Variants in BICD2 observed in about 807,000 individuals in gnomAD.
The protein encoded by BICD2 is BICD cargo adaptor 2.
A neutral mutation model predicts 72.9 loss-of-function variants in BICD2; 25 were observed. That is an observed-to-expected ratio of 0.34 (90% CI 0.25 to 0.48). The LOEUF is 0.48. Ranked by LOEUF, BICD2 falls within the 20% of genes least tolerant of loss-of-function variation. The pLI, the probability that BICD2 is intolerant of heterozygous loss-of-function variation, is 0.99. For synonymous variants in BICD2, 501 were observed against 516.1 expected (o/e 0.97, Z 0.40); for missense variants, 894 against 1,175.2 (o/e 0.76, Z 3.50).
Position 92,714,734 on chromosome 9 carries a change from T to C in BICD2, c.*420A>G. 1.0e-6 allele frequency: 1 copy of C among 1,000,446 alleles called. No homozygotes were observed. The highest frequency in any genetic ancestry group is 1.2e-6 in the Non-Finnish European group (1 of 840,516). 62.0% of individuals were successfully genotyped at this position (1,000,446 alleles called of 1,614,324 possible). A position where few individuals can be genotyped will look rare whatever the true frequency, so the allele number is the denominator to read the frequency against. ...GCTGGAACCTCCTAAAACTGCTTTC[T>C]AGTGCTGACATTAGACACATGCGAG... On this transcript the variant is annotated 3_prime_UTR_variant, in exon 7 of 7. Coordinates refer to ENST00000356884, the MANE Select transcript of BICD2 (RefSeq NM_001003800.2).
chr9:92,722,256 G>A (rs960139519), intron 3 of BICD2, among the ~76,000 whole-genome samples: 5 of 152,078 alleles, frequency 3.3e-5, no homozygotes, highest in African/African-American at 9.7e-5. Flanking sequence ...GTTCATCCCC[G>A]TCACAGACAG....
chr9:92,742,168 C>T (rs1323291349), intron 1 of BICD2, among the ~76,000 whole-genome samples: 2 of 152,170 alleles, frequency 1.3e-5, no homozygotes, highest in Non-Finnish European at 2.9e-5. Flanking sequence ...TGGAAGGAAG[C>T]TGCCTCAAAT....
chr9:92,756,984 G>T (rs1854272353), intron 1 of BICD2, among the ~76,000 whole-genome samples: 1 of 152,218 alleles, frequency 6.6e-6, no homozygotes, highest in South Asian at 2.1e-4. Flanking sequence ...AGTAGCCAGG[G>T]CTAATGCCAG....
At position 92,720,571 on chromosome 9, in the gene BICD2, T is replaced by A; in HGVS notation, c.791A>T (p.Tyr264Phe). 6.2e-7 allele frequency: 1 copy of A among 1,614,192 alleles called. No homozygotes were observed. Among genetic ancestry groups the A allele is most frequent in the Non-Finnish European group, 8.5e-7 (1 of 1,180,032 alleles). The change falls in exon 4 of 7, where the codon TAC (tyrosine) becomes TTC (phenylalanine). Residue 264 changes from tyrosine to phenylalanine, a missense_variant. Transcript: ENST00000356884. The surrounding 1 kb of genome is among the most constrained non-coding windows in gnomAD (Gnocchi z 5.4). ...GTAGAAGGAGTCATTGATGCTCATG[T>A]AGTGTGACAGCTCCTTGCGCAGGCT... Reference protein sequence around the residue: ...KNSLRKELSHYMSINDSFYTS... With the variant: ...KNSLRKELSHFMSINDSFYTS...
At chr9:92,740,455 G>A (rs1853877465) in intron 1 of BICD2, among the ~76,000 whole-genome samples, 2 of 150,164 alleles carry the variant, frequency 1.3e-5, no homozygotes, top group Non-Finnish European at 1.5e-5. Flanking sequence ...AAAACAACGG[G>A]AAATCAAATA....
In BICD2 at chr9:92,720,831, C is replaced by T; in HGVS notation, c.607-76G>A. On this transcript the variant is annotated intron_variant, in intron 3 of 6. Transcript: ENST00000356884. The surrounding 1 kb of genome is among the most constrained non-coding windows in gnomAD (Gnocchi z 5.4). ...TCAGGCCCCATAAATGAAGAAAACA[C>T]ACCAGCACACCAACTCCGGCCACTA... 2.1e-6 allele frequency: 3 copies of T among 1,427,038 alleles called. No individual in the cohort carries two copies. Among genetic ancestry groups the T allele is most frequent in the Non-Finnish European group, 1.9e-6 (2 of 1,053,548 alleles). 88.4% of individuals were successfully genotyped at this position (1,427,038 alleles called of 1,614,324 possible).
In BICD2 at chr9:92,749,953, G is replaced by A. The variant is rs530164616; in HGVS notation, c.240+14552C>T. ...ATGGCACAGTGGGCACAGCAGTCTG[G>A]GCCAGGCTGGGCTGAAAGCCACAGG... On this transcript the variant is annotated intron_variant, in intron 1 of 6. Transcript: ENST00000356884. Among the ~76,000 whole-genome samples the A allele has an allele frequency of 2.0e-5, 3 of 152,362 alleles. No homozygotes were observed. In the East Asian group the frequency reaches 5.8e-4, roughly 29 times the overall value.
chr9:92,721,212 G>A (rs1853458626), intron 3 of BICD2, among the ~76,000 whole-genome samples: 2 of 152,226 alleles, frequency 1.3e-5, no homozygotes, highest in Admixed American at 1.3e-4. Flanking sequence ...AACATTAACA[G>A]TTAACTAAAT....
At chr9:92,740,117 G>T (rs535575687) in intron 1 of BICD2, among the ~76,000 whole-genome samples, 2 of 152,242 alleles carry the variant, frequency 1.3e-5, no homozygotes, top group East Asian at 1.9e-4. Flanking sequence ...TGTCAACCAC[G>T]CAGAGAGAGA....
intron 1 of BICD2, among the ~76,000 whole-genome samples, chr9:92,741,730 C>CTCTCCCCT (rs1173681506): frequency 2.0e-5 from 3 of 152,194 alleles, no homozygotes; most frequent in Non-Finnish European, 4.4e-5. Context: ...GAGTTACCCA[C>CTCTCCCCT]TCTCCCCTTA....
At chr9:92,739,010 C>CA (rs1444160221) in intron 1 of BICD2, among the ~76,000 whole-genome samples, 1 of 136,754 alleles carries the variant, frequency 7.3e-6, no homozygotes, top group South Asian at 3.0e-4. Flanking sequence ...CTCCTGGGAA[C>CA]GGCGGGCCTG....
intron 1 of BICD2, among the ~76,000 whole-genome samples, chr9:92,753,115 G>A (rs144667133): frequency 1.3e-5 from 2 of 152,206 alleles, no homozygotes; most frequent in Admixed American, 6.5e-5. Flanking sequence ...ATCTAACCAC[G>A]AGAAAAAACA....
chr9:92,753,798 C>G (rs1218704263), intron 1 of BICD2, among the ~76,000 whole-genome samples: 2 of 151,940 alleles, frequency 1.3e-5, no homozygotes, highest in African/African-American at 4.8e-5. Flanking sequence ...CTCGTCCTCC[C>G]AAAGTGCTGG....
intron 1 of BICD2, among the ~76,000 whole-genome samples, chr9:92,761,816 C>G (rs988502932): frequency 6.6e-6 from 1 of 152,222 alleles, no homozygotes; most frequent in African/African-American, 2.4e-5. Context: ...ATGGTCTTAA[C>G]TGAGTCAGGC....
chr9:92,731,407 T>A (rs964064426), intron 1 of BICD2, among the ~76,000 whole-genome samples: 1 of 151,492 alleles, frequency 6.6e-6, no homozygotes, highest in Non-Finnish European at 1.5e-5. Flanking sequence ...CACACTGAGA[T>A]ACAGACTTCC....
At chr9:92,726,282 AG>A (rs1853566008) in intron 2 of BICD2, among the ~76,000 whole-genome samples, 1 of 152,302 alleles carries the variant, frequency 6.6e-6, no homozygotes, top group Middle Eastern at 3.4e-3. Context: ...GTTACTGTAA[AG>A]CTTCACAGGT....
chr9:92,748,897 T>G (rs1390907987), intron 1 of BICD2, among the ~76,000 whole-genome samples: 1 of 152,136 alleles, frequency 6.6e-6, no homozygotes, highest in Admixed American at 6.5e-5. Context: ...GTGAGATGAT[T>G]CATCTGAGTG....
At position 92,764,786 on chromosome 9, in the gene BICD2, G is replaced by A. The variant is rs1467770054; in HGVS notation, c.-42C>T. 3.6e-6 allele frequency: 5 copies of A among 1,400,694 alleles called. No individual in the cohort carries two copies. Among genetic ancestry groups the A allele is most frequent in the East Asian group, 3.1e-5 (1 of 32,530 alleles). The allele number at this position is 1,400,694 out of a possible 1,614,324, so 86.8% of individuals were successfully genotyped here. On this transcript the variant is annotated 5_prime_UTR_variant, in exon 1 of 7. Coordinates refer to ENST00000356884, the MANE Select transcript of BICD2 (RefSeq NM_001003800.2). The surrounding 1 kb of genome is among the most constrained non-coding windows in gnomAD (Gnocchi z 5.5). ...GCCGGCTCCCACTGAGGCTCTCGCA[G>A]GCCGGGCCCTCCTCAGCCGCCGCCG...
intron 1 of BICD2, among the ~76,000 whole-genome samples, chr9:92,731,106 TG>T (rs1278688453): frequency 9.2e-5 from 14 of 152,122 alleles, no homozygotes; most frequent in Admixed American, 9.2e-4. Flanking sequence ...AGTCCCTCAT[TG>T]GGTGAAGGGC....
Sources: gnomAD v4.1 joint callset for allele counts (sites outside exome capture counted in the v4.1 genomes callset) on GRCh38, gnomAD v4.1.1 for gene constraint, Gnocchi (gnomAD v3.1) non-coding constraint, MANE v1.5 for transcripts, NCBI Gene and HGNC (gene_info 2026-07-23, HGNC 2026-07-21) for gene names.